Variants in RFC1 observed in about 807,000 individuals in gnomAD.
RFC1 encodes the protein replication factor C subunit 1, also known as A1 140 kDa subunit.
A neutral mutation model predicts 137.4 loss-of-function variants in RFC1; 37 were observed. The observed-to-expected ratio is 0.27, with a 90% CI of 0.21 to 0.35. The LOEUF (loss-of-function observed/expected upper bound fraction) is 0.35, where lower values mean the gene tolerates loss of function less well. RFC1 is among the 10% of genes least tolerant of loss of function. RFC1 has a pLI of 1.00. For synonymous variants in RFC1, 429 were observed against 455.7 expected (o/e 0.94, Z 0.75); for missense variants, 1,205 against 1,358.5 (o/e 0.89, Z 1.78).
chr4:39,314,754 A>T (rs1390883519), intron 10 of RFC1, among the ~76,000 whole-genome samples: 1 of 151,954 alleles, frequency 6.6e-6, no homozygotes, highest in Non-Finnish European at 1.5e-5. Context: ...TTATTAGGGG[A>T]GCTATTAATC....
At chr4:39,318,569 G>A (rs1356306071) in intron 9 of RFC1, among the ~76,000 whole-genome samples, 2 of 152,190 alleles carry the variant, frequency 1.3e-5, no homozygotes, top group African/African-American at 4.8e-5. Flanking sequence ...AACTGCTTAA[G>A]TAAAAGTTTT....
At chr4:39,318,018 T>G (rs1443167075) in intron 9 of RFC1, 1 of 152,036 alleles carries the variant, frequency 6.6e-6, no homozygotes, top group African/African-American at 2.4e-5. Context: ...CTAGCCAGGC[T>G]TGGTGGCGGG....
chr4:39,325,094 C>G (rs556963811), intron 6 of RFC1, among the ~76,000 whole-genome samples: 1 of 152,124 alleles, frequency 6.6e-6, no homozygotes, highest in Non-Finnish European at 1.5e-5. Context: ...ATCCTGAGAC[C>G]TTTCTTTCTT....
At chr4:39,357,869 A>T (rs1216606683) in intron 1 of RFC1, among the ~76,000 whole-genome samples, 1 of 151,968 alleles carries the variant, frequency 6.6e-6, no homozygotes, top group African/African-American at 2.4e-5. Context: ...CACCTCCCAA[A>T]GTGCCAGGAT....
intron 23 of RFC1, 40 bp from the exon 24 acceptor site, chr4:39,290,079 T>C: frequency 6.9e-7 from 1 of 1,442,194 alleles, no homozygotes; most frequent in Non-Finnish European, 9.6e-7. Context: ...AAAATCTAAG[T>C]CCCAAACAAT....
At chr4:39,343,676 G>A (rs943272011) in intron 3 of RFC1, among the ~76,000 whole-genome samples, 4 of 152,206 alleles carry the variant, frequency 2.6e-5, no homozygotes, top group African/African-American at 7.2e-5. Context: ...GAAGAGGAAC[G>A]CGTACTTCTT....
At chr4:39,311,140 C>CA (rs555825558) in intron 12 of RFC1, among the ~76,000 whole-genome samples, 162 of 151,494 alleles carry the variant, frequency 1.1e-3, no homozygotes, top group Non-Finnish European at 1.9e-3. Flanking sequence ...GACTCTGTCT[C>CA]AAAAAATTAA....
At chr4:39,332,516 T>C (rs1413935395) in intron 4 of RFC1, among the ~76,000 whole-genome samples, 1 of 152,168 alleles carries the variant, frequency 6.6e-6, no homozygotes, top group Non-Finnish European at 1.5e-5. Flanking sequence ...TTTCTACATT[T>C]CTAACAAAAA....
At chr4:39,300,214 C>T (rs996706601) in intron 20 of RFC1, 46 bp downstream of exon 20, 1 of 1,612,266 alleles carries the variant, frequency 6.2e-7, no homozygotes, top group Admixed American at 1.7e-5. Context: ...TTAGCCTTCG[C>T]AGTGCTGGAT....
chr4:39,339,097 C>T (rs1423793602), intron 4 of RFC1, among the ~76,000 whole-genome samples: 1 of 151,854 alleles, frequency 6.6e-6, no homozygotes, highest in African/African-American at 2.4e-5. Context: ...TTTTTTAAAG[C>T]CAAATAATAT....
rs1472705205 is a variant in RFC1 at position 39,351,257 on chromosome 4, A to G, written c.132+91T>C. 0.012 allele frequency: 53 copies of G among 4,518 alleles called. No individual in the cohort carries two copies. The East Asian group carries it at 0.3, about 26-fold the overall frequency. 0.3% of individuals were successfully genotyped at this position (4,518 alleles called of 1,614,324 possible). On this transcript the variant is annotated intron_variant, in intron 2 of 24. Coordinates refer to ENST00000349703, the MANE Select transcript of RFC1 (RefSeq NM_002913.5). The stretch of plus-strand genomic sequence containing the variant: ...CAGAGCAAGACTCTGTCTCAGGAAA[A>G]AAAAAAAAAAAAAAAAAAAAAAAAA...
intron 2 of RFC1, among the ~76,000 whole-genome samples, chr4:39,347,014 C>T (rs934409041): frequency 6.6e-6 from 1 of 152,230 alleles, no homozygotes; most frequent in Non-Finnish European, 1.5e-5. Flanking sequence ...CAAAAGAACA[C>T]TCTTTGAAGG....
chr4:39,365,167 A>C (rs893456081), intron 1 of RFC1, among the ~76,000 whole-genome samples: 3 of 151,130 alleles, frequency 2.0e-5, no homozygotes, highest in African/African-American at 7.3e-5. Flanking sequence ...AAAAAAAAAA[A>C]AAAAAAAAAC....
At chr4:39,361,113 G>A (rs913292799) in intron 1 of RFC1, among the ~76,000 whole-genome samples, 6 of 152,182 alleles carry the variant, frequency 3.9e-5, no homozygotes, top group Non-Finnish European at 7.3e-5. Context: ...TTTAAGCCAG[G>A]CACGATGGCT....
intron 4 of RFC1, among the ~76,000 whole-genome samples, chr4:39,330,494 C>T (rs1339227541): frequency 1.3e-5 from 2 of 152,036 alleles, no homozygotes; most frequent in African/African-American, 2.4e-5. Flanking sequence ...CAAGGGCCTC[C>T]AAAAACCACA....
intron 10 of RFC1, among the ~76,000 whole-genome samples, chr4:39,316,183 T>C (rs1382228275): frequency 3.3e-5 from 5 of 152,180 alleles, no homozygotes; most frequent in East Asian, 1.9e-4. Context: ...TGAGCTGAGA[T>C]TGCGCCACTG....
At chr4:39,350,677 A>T (rs562196949) in intron 2 of RFC1, among the ~76,000 whole-genome samples, 1 of 152,332 alleles carries the variant, frequency 6.6e-6, no homozygotes, top group South Asian at 2.1e-4. Flanking sequence ...AGACATTTTC[A>T]GATTAACAAA....
At chr4:39,342,282 C>T in intron 4 of RFC1, 63 bp downstream of exon 4, 1 of 1,516,424 alleles carries the variant, frequency 6.6e-7, no homozygotes, top group Non-Finnish European at 8.9e-7. Flanking sequence ...TACATTTAGA[C>T]ACCAACAAAA....
chr4:39,351,449 G>A lies in RFC1; in HGVS notation c.31C>T (p.Pro11Ser), dbSNP rs1741197388. The A allele has an allele frequency of 1.3e-6, 2 of 1,565,290 alleles. No homozygotes were observed. Among genetic ancestry groups the A allele is most frequent in the South Asian group, 2.4e-5 (2 of 82,980 alleles). MDIRKFFGVI[P>S]SGKKLVSETV... is the part of the protein sequence containing the mutation. ...TCACTTACAAGTTTCTTTCCACTTG[G>A]TATTACTCCAAAGAATTTCCGAATG... is the stretch of plus-strand genomic sequence containing the variant. The change falls in exon 2 of 25, where the codon CCA (proline) becomes TCA (serine). Residue 11 changes from proline (P) to serine (S), a missense_variant. Coordinates refer to ENST00000349703, the MANE Select transcript of RFC1 (RefSeq NM_002913.5).
Sources: gnomAD v4.1 joint callset for allele counts (sites outside exome capture counted in the v4.1 genomes callset) on GRCh38, gnomAD v4.1.1 for gene constraint, MANE v1.5 for transcripts, NCBI Gene and HGNC (gene_info 2026-07-23, HGNC 2026-07-21) for gene names.